RBPJ: variants seen among roughly 807,000 people sequenced by gnomAD.
The protein encoded by RBPJ is recombining binding protein suppressor of hairless.
A neutral mutation model predicts 67.8 loss-of-function variants in RBPJ; 9 were observed. The observed-to-expected ratio is 0.13, with a 90% CI of 0.08 to 0.23. The LOEUF is 0.23. Among genes scored for constraint, RBPJ ranks in the 10% least tolerant of loss-of-function variants. RBPJ has a pLI of 1.00. For missense variants in RBPJ, 305 were observed against 595.6 expected (o/e 0.51, Z 5.08); for synonymous variants, 198 against 203.3 (o/e 0.97, Z 0.22).
At chr4:26,218,452 G>T (rs1718790807) in intron 1 of RBPJ, among the ~76,000 whole-genome samples, 1 of 152,058 alleles carries the variant, frequency 6.6e-6, no homozygotes, top group Non-Finnish European at 1.5e-5. Context: ...CCCCCGAAGG[G>T]TACCTAATCC....
At chr4:26,337,682 C>CTTTTT (rs386356773) in intron 1 of RBPJ, among the ~76,000 whole-genome samples, 1 of 108,030 alleles carries the variant, frequency 9.3e-6, no homozygotes, top group Non-Finnish European at 1.8e-5. Flanking sequence ...ATTCTTTATC[C>CTTTTT]TTTTTTTTTT....
At chr4:26,411,262 A>T (rs1240644820) in intron 3 of RBPJ, among the ~76,000 whole-genome samples, 1 of 152,028 alleles carries the variant, frequency 6.6e-6, no homozygotes, top group Non-Finnish European at 1.5e-5. Context: ...AAAATTAAAT[A>T]AATAAATAAA....
At position 26,386,359 on chromosome 4, in the gene RBPJ, T is replaced by G. The variant is rs1730914586; in HGVS notation, c.27T>G (p.Phe9Leu). 1 of 1,601,174 alleles carries G rather than the reference T, an allele frequency of 6.2e-7. No individual in the cohort carries two copies. The highest frequency in any genetic ancestry group is 2.2e-5 in the East Asian group (1 of 44,764). Residue 9 changes from phenylalanine (F) to leucine (L), a missense_variant, in exon 2 of 11, where the codon TTT becomes TTG. This residue lies in a region of RBPJ where 42 missense variants were observed against 43.6 expected (regional missense o/e 0.96). Coordinates refer to ENST00000355476, the MANE Select transcript of RBPJ (RefSeq NM_015874.6). MAPVVTGK[F>L]GERPPPKRLT... ...TTTATTTTTTTTTTTCCAGGAAATT[T>G]GGTGAGCGGCCTCCACCTAAACGAC... is the stretch of plus-strand genomic sequence containing the variant.
intron 1 of RBPJ, among the ~76,000 whole-genome samples, chr4:26,303,720 G>A (rs981568630): frequency 2.0e-5 from 3 of 152,120 alleles, no homozygotes; most frequent in African/African-American, 7.2e-5. Flanking sequence ...AAGGCGGGAG[G>A]ATTGCTTGAG....
chr4:26,287,179 A>T (rs975290982), intron 1 of RBPJ, among the ~76,000 whole-genome samples: 1 of 152,122 alleles, frequency 6.6e-6, no homozygotes, highest in Non-Finnish European at 1.5e-5. Context: ...TTGATTTTAA[A>T]CCATGTCACT....
the RBPJ span, among the ~76,000 whole-genome samples, chr4:26,150,619 T>G: frequency 6.6e-6 from 1 of 152,228 alleles, no homozygotes; most frequent in Admixed American, 6.5e-5. Context: ...AAGGGATTGT[T>G]GTAACAGTCT....
At chr4:26,331,883 A>C (rs916198759) in intron 1 of RBPJ, among the ~76,000 whole-genome samples, 2 of 152,250 alleles carry the variant, frequency 1.3e-5, no homozygotes, top group Non-Finnish European at 2.9e-5. Context: ...AGGAGAGTGA[A>C]AAGAAAGAAG....
chr4:26,165,313 G>C (rs1227957951), intron 1 of RBPJ, among the ~76,000 whole-genome samples: 1 of 152,036 alleles, frequency 6.6e-6, no homozygotes, highest in Admixed American at 6.6e-5. Context: ...CTATGCTGAT[G>C]GTTCTTTATA....
intron 1 of RBPJ, among the ~76,000 whole-genome samples, chr4:26,379,530 G>A (rs968401434): frequency 2.6e-5 from 4 of 152,166 alleles, no homozygotes; most frequent in Non-Finnish European, 5.9e-5. Context: ...AGGAAAAAGA[G>A]CATGTGTGGA....
intron 1 of RBPJ, among the ~76,000 whole-genome samples, chr4:26,226,609 C>CA (rs1719084937): frequency 6.6e-6 from 1 of 152,182 alleles, no homozygotes; most frequent in South Asian, 2.1e-4. Context: ...ATCATCTACT[C>CA]AAGTTGGGTT....
At chr4:26,359,868 C>G (rs1727858001) in intron 1 of RBPJ, 1 of 152,222 alleles carries the variant, frequency 6.6e-6, no homozygotes, top group African/African-American at 2.4e-5. Flanking sequence ...GCATCTGTTT[C>G]TAACTACTTT....
At chr4:26,129,210 C>G in the RBPJ span, among the ~76,000 whole-genome samples, 1 of 152,126 alleles carries the variant, frequency 6.6e-6, no homozygotes, top group African/African-American at 2.4e-5. Context: ...AATTAATAAT[C>G]AGTAAGTGGC....
chr4:26,387,585 G>A (rs1243892353), intron 2 of RBPJ, among the ~76,000 whole-genome samples: 1 of 152,170 alleles, frequency 6.6e-6, no homozygotes, highest in Non-Finnish European at 1.5e-5. Flanking sequence ...GAGAAACTGG[G>A]AGTCCACAGA....
At chr4:26,375,798 A>G (rs1265478646) in intron 1 of RBPJ, among the ~76,000 whole-genome samples, 1 of 152,174 alleles carries the variant, frequency 6.6e-6, no homozygotes, top group East Asian at 1.9e-4. Flanking sequence ...GTCAGGGGAA[A>G]GGGATGCTTG....
chr4:26,176,978 G>T (rs544848103), intron 1 of RBPJ, among the ~76,000 whole-genome samples: 1 of 152,214 alleles, frequency 6.6e-6, no homozygotes, highest in Non-Finnish European at 1.5e-5. Context: ...ACCTTTTCTT[G>T]TCTGAAGATG....
At chr4:26,317,495 G>A (rs898590622), upstream of RBPJ, among the ~76,000 whole-genome samples, 3 of 152,160 alleles carry the variant, frequency 2.0e-5, no homozygotes, top group African/African-American at 7.2e-5. Flanking sequence ...GATTGTCTAA[G>A]TCCTCATAGT....
At chr4:26,315,835 C>T (rs930093239), upstream of RBPJ, among the ~76,000 whole-genome samples, 1 of 152,072 alleles carries the variant, frequency 6.6e-6, no homozygotes, top group Non-Finnish European at 1.5e-5. Flanking sequence ...ATCAATATTC[C>T]TTGCTAGGAA....
intron 1 of RBPJ, among the ~76,000 whole-genome samples, chr4:26,295,219 C>A (rs77853846): frequency 6.7e-6 from 1 of 149,464 alleles, no homozygotes; most frequent in African/African-American, 2.5e-5. Flanking sequence ...AGTATATGGC[C>A]GTTGTCCAGG....
At chr4:26,255,420 A>AAG (rs1425200777) in intron 1 of RBPJ, among the ~76,000 whole-genome samples, 1 of 147,368 alleles carries the variant, frequency 6.8e-6, no homozygotes, top group Non-Finnish European at 1.5e-5. Context: ...AAAAAAAAAA[A>AAG]AAAAAAGTAA....
Sources: gnomAD v4.1 joint callset for allele counts (sites outside exome capture counted in the v4.1 genomes callset) on GRCh38, gnomAD v4.1.1 for gene constraint, gnomAD v4.1.1 regional missense constraint, MANE v1.5 for transcripts, NCBI Gene and HGNC (gene_info 2026-07-23, HGNC 2026-07-21) for gene names.